The following KAZN variants were observed in gnomAD, a reference collection of about 807,000 sequenced individuals.
KAZN encodes the protein kazrin.
KAZN carries 40 observed loss-of-function variants against 87.4 expected under a neutral mutation model. The observed-to-expected ratio is 0.46, with a 90% CI of 0.36 to 0.60. The LOEUF is 0.60. KAZN is among the 20% of genes least tolerant of loss of function. KAZN has a pLI of 0.00. For missense variants in KAZN, 898 were observed against 1,073.9 expected (o/e 0.84, Z 2.29); for synonymous variants, 466 against 458.3 (o/e 1.02, Z -0.22).
At chr1:14,201,932 T>C (rs1002466118) in intron 2 of KAZN, among the ~76,000 whole-genome samples, 2 of 152,176 alleles carry the variant, frequency 1.3e-5, no homozygotes, top group African/African-American at 4.8e-5. Context: ...CCTCCCAAAG[T>C]GCTGGGATTA....
chr1:13,928,141 C>G (rs6670754), intron 1 of KAZN, among the ~76,000 whole-genome samples: 113,890 of 152,140 alleles, frequency 0.75, 42,798 homozygotes, highest in South Asian at 0.82. Flanking sequence ...TCAGGTTTTG[C>G]GGAGAAGATC....
At chr1:14,528,384 T>G (rs911896279) in intron 2 of KAZN, among the ~76,000 whole-genome samples, 1 of 150,666 alleles carries the variant, frequency 6.6e-6, no homozygotes, top group African/African-American at 2.4e-5. Flanking sequence ...GGAAAATTAT[T>G]TTCACATTTA....
At position 13,978,129 on chromosome 1, in the gene KAZN, CAAAAAA is replaced by C. The variant is rs35828417; in HGVS notation, c.91+84390_91+84395del. Among the ~76,000 whole-genome samples the C allele has an allele frequency of 1.6e-4, 13 of 82,126 alleles. No individual in the cohort carries two copies. In the South Asian group the frequency reaches 2.2e-3, roughly 14 times the overall value. The allele number at this position is 82,126 out of a possible 152,430, so 53.9% of individuals were successfully genotyped here. A position where few individuals can be genotyped will look rare whatever the true frequency, so the allele number is the denominator to read the frequency against. ...GGTGACAGAGCAAGACTCCATCTCACAAAAAAAAAAAAAAAAAAAAAAGGCAATTGT... is the reference window on the plus strand; with the variant it reads ...GGTGACAGAGCAAGACTCCATCTCACAAAAAAAAAAAAAAAAGGCAATTGT... On this transcript the variant is annotated intron_variant, in intron 1 of 16. Transcript: ENST00000636203.
intron 1 of KAZN, among the ~76,000 whole-genome samples, chr1:14,164,454 T>TTGTGTGTGTGTGTGTGTGTGTG (rs59816103): frequency 1.7e-4 from 24 of 144,734 alleles, no homozygotes; most frequent in African/African-American, 5.7e-4. Context: ...CACTATGGCT[T>TTGTGTGTGTGTGTGTGTGTGTG]TGTGTGTGTG....
chr1:14,665,464 A>G (rs1019955552), intron 1 of KAZN, among the ~76,000 whole-genome samples: 6 of 152,156 alleles, frequency 3.9e-5, no homozygotes, highest in Non-Finnish European at 4.4e-5. Flanking sequence ...AAAATCAATT[A>G]TTTAAGGGCT....
At chr1:14,688,712 C>A (rs907975661) in intron 1 of KAZN, among the ~76,000 whole-genome samples, 2 of 152,214 alleles carry the variant, frequency 1.3e-5, no homozygotes, top group Admixed American at 6.5e-5. Flanking sequence ...TCAGTGCACA[C>A]GTACTAGAAC....
chr1:14,526,689 A>G (rs1383122040), intron 2 of KAZN, among the ~76,000 whole-genome samples: 1 of 145,566 alleles, frequency 6.9e-6, no homozygotes, highest in African/African-American at 2.5e-5. Flanking sequence ...CATCCCTTGC[A>G]CCGTCTCTCT....
At chr1:14,513,831 A>G (rs1052256621) in intron 2 of KAZN, among the ~76,000 whole-genome samples, 3 of 152,180 alleles carry the variant, frequency 2.0e-5, no homozygotes, top group African/African-American at 7.2e-5. Context: ...GCTGAATTGT[A>G]AATGAGTTTT....
At chr1:14,436,207 C>G (rs556539212) in intron 2 of KAZN, among the ~76,000 whole-genome samples, 9 of 151,732 alleles carry the variant, frequency 5.9e-5, no homozygotes, top group African/African-American at 1.9e-4. Context: ...CCAGCCTGGG[C>G]AAAAAGAGTG....
intron 2 of KAZN, among the ~76,000 whole-genome samples, chr1:14,468,802 A>G (rs1668297037): frequency 1.3e-5 from 2 of 152,216 alleles, no homozygotes; most frequent in African/African-American, 2.4e-5. Flanking sequence ...TTGCCCGCCC[A>G]GGCATCTCTG....
chr1:13,947,343 C>T (rs1405031052), intron 1 of KAZN, among the ~76,000 whole-genome samples: 1 of 152,256 alleles, frequency 6.6e-6, no homozygotes, highest in Non-Finnish European at 1.5e-5. Context: ...GAGGCAAAAT[C>T]GTGAGTGGAC....
At chr1:15,104,264 C>A in intron 13 of KAZN, 75 bp downstream of exon 13, 1 of 1,403,522 alleles carries the variant, frequency 7.1e-7, no homozygotes, top group Non-Finnish European at 9.5e-7. Context: ...GCAGATGGTC[C>A]AGCTCCCCAT....
rs139426491 is a variant in KAZN, at chr1:14,995,567, T to C, written c.418+34692T>C. On this transcript the variant is annotated intron_variant, in intron 2 of 14. Coordinates refer to ENST00000376030, the MANE Select transcript of KAZN (RefSeq NM_201628.3). ...GAAACCCTGGAGGCAGAGGTTGCAGTGAGCCCAGATTGCGCCACTGCACTC... is the reference window on the plus strand; with the variant it reads ...GAAACCCTGGAGGCAGAGGTTGCAGCGAGCCCAGATTGCGCCACTGCACTC... Among the ~76,000 whole-genome samples the C allele has an allele frequency of 3.2e-3, 478 of 151,706 alleles. 3 individuals carry two copies. The highest frequency in any genetic ancestry group is 0.011 in the African/African-American group (455 of 41,334).
At chr1:14,821,699 G>A (rs528655718) in intron 1 of KAZN, among the ~76,000 whole-genome samples, 1 of 152,186 alleles carries the variant, frequency 6.6e-6, no homozygotes, top group East Asian at 1.9e-4. Flanking sequence ...CAGGAGAAAC[G>A]ACCCCTGCTA....
At chr1:14,962,106 A>G (rs1663940420) in intron 2 of KAZN, among the ~76,000 whole-genome samples, 1 of 152,236 alleles carries the variant, frequency 6.6e-6, no homozygotes, top group South Asian at 2.1e-4. Context: ...TGGACAGTTA[A>G]TCGGCTCAGT....
rs151338422 is a variant in KAZN, at chr1:14,364,633, A to C, written c.249+184041A>C. On this transcript the variant is annotated intron_variant, in intron 2 of 16. Transcript: ENST00000636203. ...TTATTTGCCTAAGGGATATATATTT[A>C]TTTCCTGGGGCTGCTATAATAATGT... Among the ~76,000 whole-genome samples the C allele has an allele frequency of 6.5e-3, 996 of 152,316 alleles. 11 individuals are homozygous for C. Among genetic ancestry groups the C allele is most frequent in the African/African-American group, 0.023 (948 of 41,564 alleles).
chr1:14,215,958 G>A (rs577333850), intron 2 of KAZN, among the ~76,000 whole-genome samples: 37 of 152,116 alleles, frequency 2.4e-4, no homozygotes, highest in African/African-American at 8.7e-4. Context: ...ATTTCAATTT[G>A]TATTACTATA....
At chr1:14,590,964 C>T (rs796328827) in intron 2 of KAZN, among the ~76,000 whole-genome samples, 4 of 152,126 alleles carry the variant, frequency 2.6e-5, no homozygotes, top group Non-Finnish European at 5.9e-5. Context: ...ACCCCTCCCC[C>T]GACACCAAAG....
At chr1:14,628,622 C>A (rs1464808517) in intron 1 of KAZN, among the ~76,000 whole-genome samples, 1 of 152,148 alleles carries the variant, frequency 6.6e-6, no homozygotes, top group Non-Finnish European at 1.5e-5. Context: ...CTGGAGAATG[C>A]CGGGCCAGAT....
Sources: gnomAD v4.1 joint callset for allele counts (sites outside exome capture counted in the v4.1 genomes callset) on GRCh38, gnomAD v4.1.1 for gene constraint, MANE v1.5 for transcripts, NCBI Gene and HGNC (gene_info 2026-07-23, HGNC 2026-07-21) for gene names.